The following TNFAIP8 variants were observed in gnomAD, a reference collection of about 807,000 sequenced individuals.
TNFAIP8 encodes the protein tumor necrosis factor alpha-induced protein 8.
A neutral mutation model predicts 13.3 loss-of-function variants in TNFAIP8; 7 were observed. The observed-to-expected ratio is 0.52, with a 90% CI of 0.30 to 0.99. The LOEUF is 0.99. TNFAIP8 is among the 50% of genes least tolerant of loss of function. The pLI, the probability that TNFAIP8 is intolerant of heterozygous loss-of-function variation, is 0.07. For missense variants in TNFAIP8, 258 were observed against 236.9 expected (o/e 1.09, Z -0.58); for synonymous variants, 94 against 87.6 (o/e 1.07, Z -0.41).
chr5:119,355,049 C>T (rs1360996441), upstream of TNFAIP8: 11 of 409,386 alleles, frequency 2.7e-5, no homozygotes, highest in African/African-American at 4.2e-5. Flanking sequence ...CCCCGCTTTG[C>T]AGAAGGGAAA....
Position 119,393,426 on chromosome 5 carries a change from G to A in TNFAIP8, c.*45G>A. 1 of 1,508,926 alleles carries A rather than the reference G, an allele frequency of 6.6e-7. No individual in the cohort carries two copies. Among genetic ancestry groups the A allele is most frequent in the Admixed American group, 1.9e-5 (1 of 52,476 alleles). The allele number at this position is 1,508,926 out of a possible 1,614,324, so 93.5% of individuals were successfully genotyped here. On this transcript the variant is annotated 3_prime_UTR_variant, in exon 2 of 2. Transcript: ENST00000504771. ...GACTGATCATGATTTATTTGAAGAT[G>A]GAGCACTGCTGATTTATGAAGGAAA...
intron 1 of TNFAIP8, among the ~76,000 whole-genome samples, chr5:119,292,640 T>A (rs1297840897): frequency 2.5e-5 from 2 of 80,070 alleles, no homozygotes; most frequent in South Asian, 4.5e-4. Flanking sequence ...GAATAATCAA[T>A]GTAGCATATA....
At chr5:119,279,559 A>AT (rs905522935) in intron 1 of TNFAIP8, among the ~76,000 whole-genome samples, 2 of 151,812 alleles carry the variant, frequency 1.3e-5, no homozygotes, top group Admixed American at 6.6e-5. Flanking sequence ...TTGTTATTTT[A>AT]TTTTTTTTAT....
intron 1 of TNFAIP8, among the ~76,000 whole-genome samples, chr5:119,271,252 A>G (rs1406160750): frequency 6.6e-6 from 1 of 152,336 alleles, no homozygotes; most frequent in East Asian, 1.9e-4. Context: ...TAATTAGGAA[A>G]TGCTGAGTTG....
In TNFAIP8 at chr5:119,281,287, T is replaced by TACACACACACACACACACACACACAC. The variant is rs1554167569; in HGVS notation, c.1+12400_1+12401insACACACACACACACACACACACACAC. Among the ~76,000 whole-genome samples, 104 of 112,398 alleles carry TACACACACACACACACACACACACAC rather than the reference T, an allele frequency of 9.3e-4. 1 individual carries two copies. The East Asian group carries it at 0.018, about 19-fold the overall frequency. 73.7% of individuals were successfully genotyped at this position (112,398 alleles called of 152,430 possible). A position where few individuals can be genotyped will look rare whatever the true frequency, so the allele number is the denominator to read the frequency against. On this transcript the variant is annotated intron_variant, in intron 1 of 1. Coordinates refer to the TNFAIP8 transcript ENST00000274456. ...GTCAGAGCTGGGAAACACACACACATACACACACACACACACACACTCTCT... is the reference window on the plus strand; with the variant it reads ...GTCAGAGCTGGGAAACACACACACATACACACACACACACACACACACACACACACACACACACACACACACTCTCT...
At chr5:119,354,947 G>A (rs1036629772), upstream of TNFAIP8, 35 of 173,084 alleles carry the variant, frequency 2.0e-4, no homozygotes, top group Non-Finnish European at 1.6e-4. Context: ...TTTCAGATAT[G>A]TTATTTGAGG....
intron 1 of TNFAIP8, among the ~76,000 whole-genome samples, chr5:119,311,146 C>T (rs1749716320): frequency 6.6e-6 from 1 of 152,102 alleles, no homozygotes; most frequent in South Asian, 2.1e-4. Context: ...CTTCAGCCCC[C>T]AGTGTAGTTG....
upstream of TNFAIP8, among the ~76,000 whole-genome samples, chr5:119,351,807 T>TTTA (rs1751172151): frequency 1.3e-5 from 2 of 149,798 alleles, no homozygotes; most frequent in African/African-American, 2.5e-5. Flanking sequence ...TTTTTTTTTT[T>TTTA]GAGATGGTGT....
intron 1 of TNFAIP8, chr5:119,316,183 A>G (rs913446662): frequency 2.1e-5 from 3 of 141,106 alleles, no homozygotes; most frequent in Non-Finnish European, 4.5e-5. Flanking sequence ...TTTTTGAGAC[A>G]GGATCTTCCT....
chr5:119,268,783 C>G, exon 1 of TNFAIP8: 1 of 685,982 alleles, frequency 1.5e-6, no homozygotes, highest in South Asian at 1.5e-5. Context: ...CTCCCGCCGG[C>G]TCTAACCCGC....
upstream of TNFAIP8, chr5:119,355,321 C>G (rs1751342909): frequency 2.8e-6 from 2 of 702,034 alleles, no homozygotes; most frequent in South Asian, 1.5e-5. Context: ...CCGGGCTGTG[C>G]TTGGAGTACC....
At chr5:119,321,846 C>T (rs73235260) in intron 1 of TNFAIP8, among the ~76,000 whole-genome samples, 3 of 152,210 alleles carry the variant, frequency 2.0e-5, no homozygotes, top group East Asian at 1.9e-4. Flanking sequence ...TCCATTCCAA[C>T]GGACAAACTC....
chr5:119,281,604 T>C lies in TNFAIP8; in HGVS notation c.1+12697T>C, dbSNP rs113753558. On this transcript the variant is annotated intron_variant, in intron 1 of 1. Coordinates refer to the TNFAIP8 transcript ENST00000274456. ...CTATGATTACTGAAAACAATAAAAA[T>C]AATTTCTTTGGCATATGCCATACTA... 4.5e-3 allele frequency among the ~76,000 whole-genome samples: 679 copies of C among 152,330 alleles called. 8 individuals carry two copies. The highest frequency in any genetic ancestry group is 0.016 in the African/African-American group (654 of 41,572).
At chr5:119,304,731 C>G (rs1749500614) in intron 1 of TNFAIP8, among the ~76,000 whole-genome samples, 1 of 152,196 alleles carries the variant, frequency 6.6e-6, no homozygotes, top group Non-Finnish European at 1.5e-5. Flanking sequence ...CTGATACTAT[C>G]CTTTTAGAAA....
rs1488082785 is a variant in TNFAIP8 at position 119,292,681 on chromosome 5, T to C, written c.1+23774T>C. 5.1e-4 allele frequency among the ~76,000 whole-genome samples: 21 copies of C among 40,802 alleles called. 2 individuals carry two copies. In the East Asian group the frequency reaches 0.018, roughly 34 times the overall value. 26.8% of individuals were successfully genotyped at this position (40,802 alleles called of 152,430 possible). On this transcript the variant is annotated intron_variant, in intron 1 of 1. Coordinates refer to the TNFAIP8 transcript ENST00000274456. ...ATATATATATATATATATATATATA[T>C]ATATACACACACACACAATGAAATA...
At chr5:119,310,094 G>A (rs573403434) in intron 1 of TNFAIP8, among the ~76,000 whole-genome samples, 7 of 152,238 alleles carry the variant, frequency 4.6e-5, no homozygotes, top group African/African-American at 1.7e-4. Flanking sequence ...ATGGGGAGAG[G>A]TTTTCTTCCC....
intron 1 of TNFAIP8, among the ~76,000 whole-genome samples, chr5:119,301,676 A>C (rs547803932): frequency 6.6e-6 from 1 of 152,352 alleles, no homozygotes; most frequent in Non-Finnish European, 1.5e-5. Context: ...TGATTTTTGA[A>C]ATGAACAATC....
intron 1 of TNFAIP8, among the ~76,000 whole-genome samples, chr5:119,334,624 C>CGTGTGTGTGTGTGTGTGTGTGT (rs59714206): frequency 7.4e-6 from 1 of 135,694 alleles, no homozygotes; most frequent in African/African-American, 2.8e-5. Flanking sequence ...GTGATCCTTT[C>CGTGTGTGTGTGTGTGTGTGTGT]GTGTGTGTGT....
At chr5:119,363,404 C>T (rs1047608880) in intron 1 of TNFAIP8, among the ~76,000 whole-genome samples, 6 of 152,172 alleles carry the variant, frequency 3.9e-5, no homozygotes, top group African/African-American at 1.4e-4. Context: ...AGTGCCCCAG[C>T]CTCCTGAGAA....
Sources: gnomAD v4.1 joint callset for allele counts (sites outside exome capture counted in the v4.1 genomes callset) on GRCh38, gnomAD v4.1.1 for gene constraint, MANE v1.5 for transcripts, NCBI Gene and HGNC (gene_info 2026-07-23, HGNC 2026-07-21) for gene names.